SGCD: variants seen among roughly 807,000 people sequenced by gnomAD.
SGCD encodes delta-sarcoglycan.
In SGCD, 18 loss-of-function variants were observed where a neutral mutation model predicts 36.6. That is an observed-to-expected ratio of 0.49 (90% confidence interval 0.34 to 0.73). The LOEUF is 0.73. SGCD is among the 30% of genes least tolerant of loss of function. The pLI, the probability that SGCD is intolerant of heterozygous loss-of-function variation, is 0.01. For missense variants in SGCD, 387 were observed against 346.7 expected, an observed-to-expected ratio of 1.12 and a Z score of -0.92; for synonymous variants, 133 against 130.6, an observed-to-expected ratio of 1.02 and a Z score of -0.12.
chr5:156,680,533 T>A, intron 7 of SGCD, among the ~76,000 whole-genome samples: 1 of 152,162 alleles, frequency 6.6e-6, no homozygotes, highest in East Asian at 1.9e-4. Flanking sequence ...TTTGGAAGGC[T>A]TGTCAGAATT....
At chr5:155,780,528 G>T in the SGCD span, among the ~76,000 whole-genome samples, 1 of 152,038 alleles carries the variant, frequency 6.6e-6, no homozygotes, top group African/African-American at 2.4e-5. Flanking sequence ...TTTCCATCTG[G>T]TGCCTTCACG....
chr5:155,817,053 T>G, the SGCD span, among the ~76,000 whole-genome samples: 1 of 152,208 alleles, frequency 6.6e-6, no homozygotes, highest in Non-Finnish European at 1.5e-5. Flanking sequence ...TTTGCATCTC[T>G]TATTTAACTG....
intron 4 of SGCD, among the ~76,000 whole-genome samples, chr5:156,537,573 C>T (rs575991303): frequency 3.3e-5 from 5 of 151,442 alleles, no homozygotes; most frequent in African/African-American, 7.3e-5. Flanking sequence ...TTGAAACTAG[C>T]GAGGGTGTTC....
intron 3 of SGCD, among the ~76,000 whole-genome samples, chr5:156,156,932 A>G (rs557263331): frequency 1.3e-5 from 2 of 151,798 alleles, no homozygotes; most frequent in South Asian, 2.1e-4. Context: ...CTGTCAATAC[A>G]TTGCATAGAA....
chr5:156,476,421 G>T (rs1474073650), intron 3 of SGCD, among the ~76,000 whole-genome samples: 1 of 152,096 alleles, frequency 6.6e-6, no homozygotes, highest in Non-Finnish European at 1.5e-5. Context: ...TGAATTAAAA[G>T]AAATAAAAGA....
chr5:156,206,356 T>C (rs1274194216), intron 3 of SGCD, among the ~76,000 whole-genome samples: 1 of 152,028 alleles, frequency 6.6e-6, no homozygotes, highest in African/African-American at 2.4e-5. Context: ...ATTGTGGACA[T>C]ATTTTTTTGG....
At chr5:156,732,577 G>T (rs1437007401) in intron 7 of SGCD, among the ~76,000 whole-genome samples, 1 of 151,712 alleles carries the variant, frequency 6.6e-6, no homozygotes, top group African/African-American at 2.4e-5. Flanking sequence ...TTCTATCTTT[G>T]CCAGGTTTTG....
chr5:156,247,295 T>C (rs1291579126), intron 3 of SGCD, among the ~76,000 whole-genome samples: 1 of 152,200 alleles, frequency 6.6e-6, no homozygotes, highest in Non-Finnish European at 1.5e-5. Flanking sequence ...TTGAAACTCA[T>C]GATGAGACTC....
At chr5:156,113,465 A>C (rs1761838105) in intron 1 of SGCD, among the ~76,000 whole-genome samples, 1 of 152,136 alleles carries the variant, frequency 6.6e-6, no homozygotes, top group Non-Finnish European at 1.5e-5. Flanking sequence ...GTGGCTTTTG[A>C]GGTACAGAAT....
chr5:156,126,918 C>G (rs1762185777), intron 3 of SGCD, among the ~76,000 whole-genome samples: 1 of 152,144 alleles, frequency 6.6e-6, no homozygotes, highest in Non-Finnish European at 1.5e-5. Flanking sequence ...TTTACTAAGT[C>G]AAACTTCTTG....
intron 3 of SGCD, among the ~76,000 whole-genome samples, chr5:156,466,507 C>T (rs1754726479): frequency 6.6e-6 from 1 of 152,192 alleles, no homozygotes; most frequent in Non-Finnish European, 1.5e-5. Context: ...CCCTCAGTCA[C>T]TTCAGCACAG....
intron 3 of SGCD, among the ~76,000 whole-genome samples, chr5:156,191,952 T>A (rs749613411): frequency 6.6e-6 from 1 of 152,294 alleles, no homozygotes; most frequent in Non-Finnish European, 1.5e-5. Flanking sequence ...ACCTTATGCT[T>A]TAATGCATTC....
Position 156,197,472 on chromosome 5 carries a change from CT to C in SGCD, c.-44+73468del, listed in dbSNP as rs368116194. 4.7e-3 allele frequency among the ~76,000 whole-genome samples: 629 copies of C among 133,850 alleles called. 3 individuals carry two copies. Among genetic ancestry groups the C allele is most frequent in the Admixed American group, 5.7e-3 (76 of 13,314 alleles). 87.8% of individuals were successfully genotyped at this position (133,850 alleles called of 152,430 possible). On this transcript the variant is annotated intron_variant, in intron 3 of 9. Coordinates refer to the SGCD transcript ENST00000517913. ...AACTCTTTAGAATTGAATAGTTTTC[CT>C]TTTTTTTTTTTTTTGGCTAAACAGC...
chr5:155,930,117 A>C (rs1429312407), intron 1 of SGCD, among the ~76,000 whole-genome samples: 1 of 151,854 alleles, frequency 6.6e-6, no homozygotes, highest in Non-Finnish European at 1.5e-5. Context: ...TCAACTCTCC[A>C]CCCCTCTTGC....
chr5:155,852,990 C>T, the SGCD span, among the ~76,000 whole-genome samples: 1,227 of 151,886 alleles, frequency 8.1e-3, 9 homozygotes, highest in Non-Finnish European at 0.011. Flanking sequence ...ATTCCTTCTT[C>T]TCTGACTTCA....
At chr5:156,227,241 G>A (rs1214633707) in intron 3 of SGCD, among the ~76,000 whole-genome samples, 1 of 151,946 alleles carries the variant, frequency 6.6e-6, no homozygotes, top group African/African-American at 2.4e-5. Context: ...GAGGTGTTAG[G>A]TTTAAGTCCT....
chr5:155,908,261 G>A (rs1209830886), intron 1 of SGCD, among the ~76,000 whole-genome samples: 1 of 152,068 alleles, frequency 6.6e-6, no homozygotes, highest in Admixed American at 6.6e-5. Flanking sequence ...TATTGTGGTG[G>A]TCTGGAATGG....
chr5:155,879,367 G>T (rs1755832632), intron 1 of SGCD, among the ~76,000 whole-genome samples: 1 of 152,108 alleles, frequency 6.6e-6, no homozygotes, highest in Non-Finnish European at 1.5e-5. Flanking sequence ...TCCCATCTGT[G>T]TCACTGCTTC....
At chr5:156,577,202 A>T (rs1759998701) in intron 4 of SGCD, among the ~76,000 whole-genome samples, 1 of 152,042 alleles carries the variant, frequency 6.6e-6, no homozygotes, top group Non-Finnish European at 1.5e-5. Flanking sequence ...TGTTTTTGTC[A>T]GGTTTGTCAA....
Sources: allele counts gnomAD v4.1 joint callset (sites outside exome capture counted in the v4.1 genomes callset), GRCh38; gene constraint gnomAD v4.1.1; transcripts MANE v1.5; gene names NCBI Gene and HGNC (gene_info 2026-07-23, HGNC 2026-07-21).